NEMP2: variants seen among roughly 807,000 people sequenced by gnomAD.
The protein encoded by NEMP2 is nuclear envelope integral membrane protein 2, also known as UPF0571 transmembrane protein.
In NEMP2, 53 loss-of-function variants were observed where a neutral mutation model predicts 54.2. That is an observed-to-expected ratio of 0.98 (90% CI 0.78 to 1.23). The LOEUF (loss-of-function observed/expected upper bound fraction) is 1.23. NEMP2 is among the 50% of genes most tolerant of loss of function. The pLI is 0.00. For synonymous variants in NEMP2, 197 were observed against 190.3 expected, an observed-to-expected ratio of 1.04 and a Z score of -0.29; for missense variants, 455 against 511.3, an observed-to-expected ratio of 0.89 and a Z score of 1.06.
chr2:190,473,180 A>C, the NEMP2 span, among the ~76,000 whole-genome samples: 1 of 152,214 alleles, frequency 6.6e-6, no homozygotes, highest in Admixed American at 6.5e-5. Context: ...TGCATCAACC[A>C]ACAAGCAAAA....
the NEMP2 span, among the ~76,000 whole-genome samples, chr2:190,470,436 G>A: frequency 1.6e-4 from 24 of 152,236 alleles, no homozygotes; most frequent in South Asian, 6.2e-4. Flanking sequence ...GAAGGCTCTT[G>A]TCATGTAGCT....
chr2:190,638,552 C>T, the NEMP2 span, among the ~76,000 whole-genome samples: 1 of 152,018 alleles, frequency 6.6e-6, no homozygotes, highest in African/African-American at 2.4e-5. This position sits in a 1 kb window ranked among gnomAD's most constrained non-coding sequence, Gnocchi z 5.7. Flanking sequence ...GGTGGAAGGA[C>T]AGAAATGAGC....
chr2:190,437,987 G>A, the NEMP2 span, among the ~76,000 whole-genome samples: 1 of 151,784 alleles, frequency 6.6e-6, no homozygotes, highest in Non-Finnish European at 1.5e-5. This position sits in a 1 kb window ranked among gnomAD's most constrained non-coding sequence, Gnocchi z 5.9. Context: ...GCCACTTGCT[G>A]ACATAGATAG....
chr2:190,488,501 C>T, the NEMP2 span, among the ~76,000 whole-genome samples: 447 of 152,248 alleles, frequency 2.9e-3, 2 homozygotes, highest in African/African-American at 0.01. This position sits in a 1 kb window ranked among gnomAD's most constrained non-coding sequence, Gnocchi z 6.4. Context: ...GCCACTGAAC[C>T]GTACATTTAA....
rs200708557 is a variant in NEMP2, at chr2:190,510,450, C to G, written c.1041G>C (p.Thr347=). ...GGCGTAGCTCCTCCAGAGCACTGTT[C>G]GTTTCAGCATCAGCTTGCTCCCTGT... ...DEYREQADAE[T]NSALEELRRA... is the part of the protein sequence containing the mutation. The change falls in exon 8 of 9, where the codon ACG becomes ACC. Residue 347 remains threonine, a synonymous_variant. Coordinates refer to ENST00000409150, the MANE Select transcript of NEMP2 (RefSeq NM_001142645.2). This position sits in a 1 kb window ranked among gnomAD's most constrained non-coding sequence, Gnocchi z 5.7. 9.0e-6 allele frequency: 14 copies of G among 1,551,754 alleles called. No individual in the cohort carries two copies. In the Admixed American group the frequency reaches 2.7e-4, roughly 30 times the overall value.
the NEMP2 span, among the ~76,000 whole-genome samples, chr2:190,438,146 A>G: frequency 6.6e-6 from 1 of 152,008 alleles, no homozygotes; most frequent in Admixed American, 6.6e-5. The surrounding 1 kb of genome is among the most constrained non-coding windows in gnomAD (Gnocchi z 5.2). Context: ...ATTTCTGTCC[A>G]CCATGAAGAC....
chr2:190,482,868 C>CTTTTT, the NEMP2 span, among the ~76,000 whole-genome samples: 18 of 48,284 alleles, frequency 3.7e-4, 2 homozygotes, highest in East Asian at 7.0e-4. Flanking sequence ...AGACTATCAT[C>CTTTTT]TTTTTTTTTT....
the NEMP2 span, chr2:190,464,909 G>A: frequency 2.0e-6 from 2 of 980,526 alleles, no homozygotes; most frequent in Non-Finnish European, 2.4e-6. Flanking sequence ...GGCTTTTGGT[G>A]GGGGTGGGGG....
chr2:190,559,886 C>T, the NEMP2 span, among the ~76,000 whole-genome samples: 4 of 152,098 alleles, frequency 2.6e-5, no homozygotes, highest in Admixed American at 2.0e-4. The surrounding 1 kb of genome is among the most constrained non-coding windows in gnomAD (Gnocchi z 4.0). Flanking sequence ...TGCAGAGTTG[C>T]AAGCTTTGCT....
chr2:190,482,868 C>CTTTTTTTTTTTTTT, the NEMP2 span, among the ~76,000 whole-genome samples: 9 of 48,290 alleles, frequency 1.9e-4, 2 homozygotes, highest in Non-Finnish European at 3.4e-4. Context: ...AGACTATCAT[C>CTTTTTTTTTTTTTT]TTTTTTTTTT....
chr2:190,612,121 C>A, the NEMP2 span, among the ~76,000 whole-genome samples: 4 of 150,072 alleles, frequency 2.7e-5, no homozygotes, highest in African/African-American at 9.8e-5. Flanking sequence ...CATGCCTTGA[C>A]TTGACTTTCT....
chr2:190,590,021 G>A, the NEMP2 span, among the ~76,000 whole-genome samples: 1 of 152,132 alleles, frequency 6.6e-6, no homozygotes, highest in African/African-American at 2.4e-5. This position sits in a 1 kb window ranked among gnomAD's most constrained non-coding sequence, Gnocchi z 5.1. Flanking sequence ...ATTGCTGCCT[G>A]GGTCCATCAC....
the NEMP2 span, among the ~76,000 whole-genome samples, chr2:190,492,840 C>A: frequency 6.6e-6 from 1 of 151,398 alleles, no homozygotes; most frequent in Admixed American, 6.6e-5. This position sits in a 1 kb window ranked among gnomAD's most constrained non-coding sequence, Gnocchi z 5.2. Flanking sequence ...GAATTTGCCA[C>A]TCACCACCAA....
chr2:190,427,726 ACTTTTTTTTTTT>A, the NEMP2 span, among the ~76,000 whole-genome samples: 1 of 117,568 alleles, frequency 8.5e-6, no homozygotes, highest in African/African-American at 4.1e-5. Context: ...GAAGTCTACC[ACTTTTTTTTTTT>A]CTTTTTTTTT....
At position 190,520,256 on chromosome 2, in the gene NEMP2, C is replaced by T. The variant is rs1216433087; in HGVS notation, c.214-1073G>A. ...GAAAAAGCACTTCCTTTCTCTGGAT[C>T]AGCTGAGCATCTGTAATTCAGGCTT... On this transcript the variant is annotated intron_variant, in intron 2 of 8. Transcript: ENST00000409150. The surrounding 1 kb of genome is among the most constrained non-coding windows in gnomAD (Gnocchi z 5.4). Among the ~76,000 whole-genome samples, 6 of 152,164 alleles carry T rather than the reference C, an allele frequency of 3.9e-5. No homozygotes were observed. The highest frequency in any genetic ancestry group is 1.4e-4 in the African/African-American group (6 of 41,438).
the NEMP2 span, among the ~76,000 whole-genome samples, chr2:190,557,554 C>G: frequency 1.3e-5 from 2 of 151,320 alleles, no homozygotes; most frequent in Non-Finnish European, 2.9e-5. Context: ...AAATGGGAGA[C>G]AATTTTTGCA....
rs901033713 is a variant in NEMP2, at chr2:190,525,557, C to A, written c.98-179G>T. ...CCAAGGAGGAGACAGATAGAAAATA[C>A]GATAGCCCAAGTGTCAATATTTATG... On this transcript the variant is annotated intron_variant, in intron 1 of 8. Transcript: ENST00000409150. The surrounding 1 kb of genome is among the most constrained non-coding windows in gnomAD (Gnocchi z 5.0). Among the ~76,000 whole-genome samples the A allele has an allele frequency of 6.6e-6, 1 of 151,984 alleles. No homozygotes were observed. Among genetic ancestry groups the A allele is most frequent in the African/African-American group, 2.4e-5 (1 of 41,348 alleles).
chr2:190,457,531 TG>T, the NEMP2 span, among the ~76,000 whole-genome samples: 1 of 152,196 alleles, frequency 6.6e-6, no homozygotes, highest in Non-Finnish European at 1.5e-5. This position sits in a 1 kb window ranked among gnomAD's most constrained non-coding sequence, Gnocchi z 5.1. Context: ...TAGCAGTTGC[TG>T]GGATCTACAT....
At chr2:190,490,299 C>A in the NEMP2 span, among the ~76,000 whole-genome samples, 16 of 150,760 alleles carry the variant, frequency 1.1e-4, no homozygotes, top group Non-Finnish European at 2.2e-4. This position sits in a 1 kb window ranked among gnomAD's most constrained non-coding sequence, Gnocchi z 4.5. Flanking sequence ...TGCAGTGGCT[C>A]ACGCCTGTAA....
Sources: allele counts gnomAD v4.1 joint callset (sites outside exome capture counted in the v4.1 genomes callset), GRCh38; gene constraint gnomAD v4.1.1; non-coding constraint Gnocchi (gnomAD v3.1); transcripts MANE v1.5; gene names NCBI Gene and HGNC (gene_info 2026-07-23, HGNC 2026-07-21).